USH2A: variants seen among roughly 807,000 people sequenced by gnomAD.
The protein encoded by USH2A is Usher syndrome 2A (autosomal recessive, mild).
In USH2A, 443 loss-of-function variants were observed where a neutral mutation model predicts 538.9. The ratio of observed to expected loss-of-function variants is 0.82; its 90% CI spans 0.76 to 0.89. USH2A has a LOEUF of 0.89. Among genes scored for constraint, USH2A ranks in the 40% least tolerant of loss-of-function variants. The probability of loss-of-function intolerance (pLI) is 0.00; values close to 1 mark genes in which losing one functional copy is unlikely to be tolerated. For synonymous variants in USH2A, 2,413 were observed against 2,273.5 expected (o/e 1.06, Z -1.75); for missense variants, 6,633 against 6,324.8 (o/e 1.05, Z -1.65).
intron 32 of USH2A, among the ~76,000 whole-genome samples, chr1:216,044,257 G>A (rs2030420728): frequency 6.6e-6 from 1 of 152,112 alleles, no homozygotes; most frequent in East Asian, 1.9e-4. Flanking sequence ...AGGATTCTCA[G>A]AGGACATGTC....
chr1:215,985,234 A>T (rs1667844737), intron 35 of USH2A, among the ~76,000 whole-genome samples: 1 of 152,246 alleles, frequency 6.6e-6, no homozygotes, highest in South Asian at 2.1e-4. Context: ...AATATCAAAC[A>T]GTTATCTCTC....
chr1:216,313,329 T>C (rs930552860), intron 9 of USH2A, among the ~76,000 whole-genome samples: 4 of 152,262 alleles, frequency 2.6e-5, no homozygotes, highest in Admixed American at 6.5e-5. Context: ...GGGACCCCTG[T>C]TCTATGATTC....
intron 49 of USH2A, among the ~76,000 whole-genome samples, chr1:215,808,528 CAA>C (rs1177951888): frequency 6.6e-6 from 1 of 152,056 alleles, no homozygotes; most frequent in East Asian, 1.9e-4. Context: ...CATCAGGATA[CAA>C]AAGAGTTTCA....
chr1:215,702,600 T>C (rs1466248003), intron 61 of USH2A, among the ~76,000 whole-genome samples: 2 of 151,798 alleles, frequency 1.3e-5, no homozygotes, highest in African/African-American at 2.4e-5. Context: ...TTCTGCTTGA[T>C]TGATTTGGCT....
intron 38 of USH2A, among the ~76,000 whole-genome samples, chr1:215,908,774 C>T (rs1440161960): frequency 2.0e-5 from 3 of 151,672 alleles, no homozygotes; most frequent in Non-Finnish European, 4.4e-5. Context: ...ACAAAGCTGA[C>T]ATTGATGGAT....
intron 34 of USH2A, among the ~76,000 whole-genome samples, chr1:215,995,509 T>C (rs1668114260): frequency 6.6e-6 from 1 of 152,212 alleles, no homozygotes; most frequent in Non-Finnish European, 1.5e-5. Flanking sequence ...TGCTTCCAAT[T>C]GGTCTAATCT....
intron 3 of USH2A, among the ~76,000 whole-genome samples, chr1:216,386,511 ACAAAC>A (rs1234700803): frequency 1.0e-4 from 11 of 106,300 alleles, no homozygotes; most frequent in Admixed American, 4.4e-4. Flanking sequence ...AAACAAACAA[ACAAAC>A]AAACAAAAAA....
chr1:215,757,714 T>A (rs1335194197), intron 58 of USH2A, among the ~76,000 whole-genome samples: 1 of 152,212 alleles, frequency 6.6e-6, no homozygotes, highest in African/African-American at 2.4e-5. Context: ...CTGAGGATGG[T>A]GCTTACCTCA....
chr1:215,926,254 G>A (rs1027303535), intron 38 of USH2A, among the ~76,000 whole-genome samples: 2 of 149,706 alleles, frequency 1.3e-5, no homozygotes, highest in Non-Finnish European at 1.5e-5. Context: ...CACCTGGCTG[G>A]TTGATAGTGC....
chr1:216,009,909 C>T (rs892112508), intron 32 of USH2A, among the ~76,000 whole-genome samples: 1 of 152,220 alleles, frequency 6.6e-6, no homozygotes, highest in Middle Eastern at 3.4e-3. Flanking sequence ...AATCAGATAG[C>T]GTTTAGGCTG....
chr1:216,375,192 A>G (rs2038795146), intron 3 of USH2A, among the ~76,000 whole-genome samples: 1 of 152,168 alleles, frequency 6.6e-6, no homozygotes, highest in Non-Finnish European at 1.5e-5. Flanking sequence ...AGCCCCTAAC[A>G]AGAGACTCAG....
chr1:215,907,423 T>G (rs1349689317), intron 38 of USH2A, among the ~76,000 whole-genome samples: 1 of 152,056 alleles, frequency 6.6e-6, no homozygotes, highest in Non-Finnish European at 1.5e-5. Context: ...CTCTGTTCTC[T>G]CCAACTAGTT....
At chr1:215,650,505 G>A in intron 65 of USH2A, 87 bp downstream of exon 65, 1 of 1,507,494 alleles carries the variant, frequency 6.6e-7, no homozygotes, top group Non-Finnish European at 9.2e-7. Context: ...GAAAGATGGA[G>A]GGAAAAACAA....
chr1:215,877,784 C>A lies in USH2A; in HGVS notation c.8655G>T (p.Trp2885Cys). The A allele has an allele frequency of 6.2e-7, 1 of 1,613,716 alleles. No homozygotes were observed. Among genetic ancestry groups the A allele is most frequent in the Non-Finnish European group, 8.5e-7 (1 of 1,179,690 alleles). Reference protein sequence around the residue: ...RWHNIYSGTQWLYEDKGLSRF... With the variant: ...RWHNIYSGTQCLYEDKGLSRF... ...TGCTAAGACCCTTATCTTCATAAAGCCACTGAGTTCCTGAATAAATATTGT... is the reference window on the plus strand; with the variant it reads ...TGCTAAGACCCTTATCTTCATAAAGACACTGAGTTCCTGAATAAATATTGT... The change falls in exon 43 of 72, where the codon TGG becomes TGT. Residue 2885 changes from tryptophan to cysteine, a missense_variant. By Grantham distance (215) the Trp-to-Cys change is radical. Transcript: ENST00000307340.
intron 51 of USH2A, among the ~76,000 whole-genome samples, chr1:215,787,099 C>T (rs1178229677): frequency 2.6e-5 from 4 of 152,060 alleles, no homozygotes; most frequent in Non-Finnish European, 5.9e-5. Flanking sequence ...TTGCAGCTTC[C>T]CAGCTCTGTA....
intron 44 of USH2A, among the ~76,000 whole-genome samples, chr1:215,855,795 G>C (rs1575757): frequency 0.047 from 7,128 of 152,104 alleles, 268 homozygotes; most frequent in South Asian, 0.14. Context: ...ATACTAAAAG[G>C]CCATAGTCAC....
chr1:216,409,095 A>G (rs1289019774), intron 3 of USH2A, among the ~76,000 whole-genome samples: 1 of 152,180 alleles, frequency 6.6e-6, no homozygotes. Flanking sequence ...CAGCTACTAA[A>G]TAGATTTGAT....
At chr1:215,826,504 C>A (rs12064905) in intron 47 of USH2A, among the ~76,000 whole-genome samples, 2,165 of 152,224 alleles carry the variant, frequency 0.014, 57 homozygotes, top group African/African-American at 0.05. Flanking sequence ...AAGAAAAGAG[C>A]AAGCTACAAT....
intron 13 of USH2A, among the ~76,000 whole-genome samples, chr1:216,240,013 C>CAAAAAAAAA (rs55691066): frequency 2.5e-4 from 28 of 112,274 alleles, no homozygotes; most frequent in African/African-American, 3.3e-4. Context: ...ATGAAATAAA[C>CAAAAAAAAA]AAAAAAAAAA....
Sources: allele counts gnomAD v4.1 joint callset (sites outside exome capture counted in the v4.1 genomes callset), GRCh38; gene constraint gnomAD v4.1.1; transcripts MANE v1.5; gene names NCBI Gene and HGNC (gene_info 2026-07-23, HGNC 2026-07-21).